RAD21: variants seen among roughly 807,000 people sequenced by gnomAD.
The protein encoded by RAD21 is double-strand-break repair protein rad21 homolog.
Under a neutral mutation model 71.5 loss-of-function variants are expected in RAD21, and 18 were observed. The observed-to-expected ratio is 0.25, with a 90% CI of 0.17 to 0.37. The LOEUF is 0.37. Among genes scored for constraint, RAD21 ranks in the 10% least tolerant of loss-of-function variants. The pLI, the probability that RAD21 is intolerant of heterozygous loss-of-function variation, is 1.00. For synonymous variants in RAD21, 248 were observed against 254.0 expected (o/e 0.98, Z 0.22); for missense variants, 493 against 769.1 (o/e 0.64, Z 4.25).
rs780692465 is a variant in RAD21, at chr8:116,847,639, C to T, written c.1757G>A (p.Arg586Gln). Residue 586 changes from arginine to glutamine, a missense_variant, in exon 14 of 14, where the codon CGA (arginine) becomes CAA (glutamine). Physicochemically the swap from Arg to Gln is conservative, Grantham distance 43. Around this residue, in one of 5 missense-constraint regions of RAD21, gnomAD observed 34 missense variants for 59.9 expected, o/e 0.57. Coordinates refer to ENST00000297338, the MANE Select transcript of RAD21 (RefSeq NM_006265.3). ...AESISLLELC[R>Q]NTNRKQAAAK... is the part of the protein sequence containing the mutation. The stretch of plus-strand genomic sequence containing the variant: ...GGCAGCTTGTTTTCTGTTCGTATTT[C>T]GACATAACTCAAGCAAACTGATAGA... 24 of 1,613,792 alleles carry T rather than the reference C, an allele frequency of 1.5e-5. No homozygotes were observed. Among genetic ancestry groups the T allele is most frequent in the Middle Eastern group, 1.6e-4 (1 of 6,084 alleles).
chr8:116,853,547 T>C (rs1259355896), intron 9 of RAD21, among the ~76,000 whole-genome samples: 1 of 152,218 alleles, frequency 6.6e-6, no homozygotes, highest in East Asian at 1.9e-4. Context: ...AAATTTCTAA[T>C]AATGAAATTA....
chr8:116,861,564 T>C (rs1563692101), intron 4 of RAD21, among the ~76,000 whole-genome samples: 3 of 151,902 alleles, frequency 2.0e-5, no homozygotes, highest in Non-Finnish European at 4.4e-5. Context: ...TATCATTATA[T>C]AACAAGCGTA....
intron 1 of RAD21, among the ~76,000 whole-genome samples, chr8:116,873,350 T>C (rs377373153): frequency 9.8e-5 from 15 of 152,348 alleles, no homozygotes; most frequent in South Asian, 2.1e-4. Context: ...AGATCAGATA[T>C]GGCGTATGTC....
At chr8:116,851,879 C>T in intron 11 of RAD21, 69 bp downstream of exon 11, 1 of 1,493,212 alleles carries the variant, frequency 6.7e-7, no homozygotes, top group Non-Finnish European at 9.1e-7. Flanking sequence ...AAAGGCCTCC[C>T]TAAATACCAC....
intron 6 of RAD21, 125 bp downstream of exon 6, chr8:116,857,142 T>A (rs1426290461): frequency 7.6e-6 from 6 of 789,242 alleles, no homozygotes. Context: ...TTGAACCAAC[T>A]GATCACAATT....
In RAD21 at chr8:116,856,762, AGTT is replaced by A; in HGVS notation, c.695_697del (p.Lys232_Leu233delinsIle). 1 of 1,527,280 alleles carries A rather than the reference AGTT, an allele frequency of 6.5e-7. No individual in the cohort carries two copies. The highest frequency in any genetic ancestry group is 8.8e-7 in the Non-Finnish European group (1 of 1,134,392). 94.6% of individuals were successfully genotyped at this position (1,527,280 alleles called of 1,614,324 possible). On this transcript the variant is annotated inframe_deletion, in exon 7 of 14. Transcript: ENST00000297338. ...GATACCGCCATCATTATTACTAATA[AGTT>A]TGTCATCTGAAATAGGGAATGTAAG...
Position 116,850,676 on chromosome 8 carries a change from A to C in RAD21, c.1562T>G (p.Leu521Arg). 2 of 1,612,676 alleles carry C rather than the reference A, an allele frequency of 1.2e-6. No homozygotes were observed. Among genetic ancestry groups the C allele is most frequent in the Non-Finnish European group, 1.7e-6 (2 of 1,178,866 alleles). ...TTTCTCCTTCTCTTTTTCTGGCAGA[A>C]GTTCTAACTCTGGTATTAGCTGACA... Reference protein sequence around the residue: ...NICQLIPELELLPEKEKEKEK... With the variant: ...NICQLIPELERLPEKEKEKEK... The change falls in exon 12 of 14, where the codon CTT becomes CGT. Residue 521 changes from leucine to arginine, a missense_variant. Physicochemically the swap from Leu to Arg is moderately radical, Grantham distance 102. Around this residue, in one of 5 missense-constraint regions of RAD21, gnomAD observed 225 missense variants for 218.3 expected, o/e 1.03. Coordinates refer to ENST00000297338, the MANE Select transcript of RAD21 (RefSeq NM_006265.3).
chr8:116,854,308 T>C lies in RAD21; in HGVS notation c.1098A>G (p.Thr366=), dbSNP rs1438936500. The C allele has an allele frequency of 6.2e-7, 1 of 1,613,934 alleles. No individual in the cohort carries two copies. The highest frequency in any genetic ancestry group is 1.1e-5 in the South Asian group (1 of 91,070). ...AAGAAAACAGTTTTTCTACTCCTCC[T>C]GTCTCTTTCCACATCATCAATTTCT... ...PTKKLMMWKE[T]GGVEKLFSLP... is the part of the protein sequence containing the mutation. Residue 366 remains threonine, a synonymous_variant, in exon 9 of 14, where the codon ACA becomes ACG. Coordinates refer to ENST00000297338, the MANE Select transcript of RAD21 (RefSeq NM_006265.3).
chr8:116,865,261 T>G (rs1041043406), intron 2 of RAD21, among the ~76,000 whole-genome samples: 13 of 152,156 alleles, frequency 8.5e-5, no homozygotes, highest in African/African-American at 3.1e-4. Flanking sequence ...CATACTCGTT[T>G]GTAGTGTCCC....
Position 116,846,698 on chromosome 8 carries a change from C to CCAAA in RAD21, c.*798_*801dup, listed in dbSNP as rs16918290. ...TCATGATCGGAATACTCAAATATAT[C>CCAAA]CAAACATCTTTTTAAAACTTTGATT... On this transcript the variant is annotated 3_prime_UTR_variant, in exon 14 of 14. Transcript: ENST00000297338. The CCAAA allele has an allele frequency of 0.023, 5,102 of 222,448 alleles. 225 individuals carry two copies. Among genetic ancestry groups the CCAAA allele is most frequent in the African/African-American group, 0.098 (4,399 of 44,706 alleles). 13.8% of individuals were successfully genotyped at this position (222,448 alleles called of 1,614,324 possible).
Position 116,856,190 on chromosome 8 carries a change from C to T in RAD21, c.913G>A (p.Ala305Thr), listed in dbSNP as rs1398359379. The change falls in exon 8 of 14, where the codon GCA becomes ACA. Residue 305 changes from alanine to threonine, a missense_variant. This residue lies in a region of RAD21 where 42 missense variants were observed against 117.2 expected (regional missense o/e 0.36). Coordinates refer to ENST00000297338, the MANE Select transcript of RAD21 (RefSeq NM_006265.3). Reference protein sequence around the residue: ...TLVPNEEEAFALEPIDITVKE... With the variant: ...TLVPNEEEAFTLEPIDITVKE... ...CCAGTTATATCAATAGGCTCCAATG[C>T]AAATGCTTCTTCCTCATTTGGAACA... 2.5e-6 allele frequency: 4 copies of T among 1,606,854 alleles called. No homozygotes were observed. Among genetic ancestry groups the T allele is most frequent in the Non-Finnish European group, 3.4e-6 (4 of 1,177,280 alleles).
At chr8:116,863,545 T>C (rs916918497) in intron 2 of RAD21, among the ~76,000 whole-genome samples, 6 of 152,112 alleles carry the variant, frequency 3.9e-5, no homozygotes, top group Admixed American at 1.3e-4. Context: ...CCAGGGCCAT[T>C]GTTTCTTGCT....
chr8:116,847,425 TTC>T lies in RAD21; in HGVS notation c.*73_*74del, dbSNP rs1280689039. The T allele has an allele frequency of 8.6e-6, 11 of 1,278,062 alleles. No individual in the cohort carries two copies. In the South Asian group the frequency reaches 1.8e-4, roughly 20 times the overall value. The allele number at this position is 1,278,062 out of a possible 1,614,324, so 79.2% of individuals were successfully genotyped here. On this transcript the variant is annotated 3_prime_UTR_variant, in exon 14 of 14. Coordinates refer to ENST00000297338, the MANE Select transcript of RAD21 (RefSeq NM_006265.3). The stretch of plus-strand genomic sequence containing the variant: ...CAAAAATCTAAGTTTTCTCAAAGGG[TTC>T]TGTGTCCCCTACACATGGGGGCAAT...
intron 2 of RAD21, among the ~76,000 whole-genome samples, chr8:116,865,645 A>T (rs1443010182): frequency 6.6e-6 from 1 of 152,186 alleles, no homozygotes; most frequent in Non-Finnish European, 1.5e-5. Flanking sequence ...CTAAATGGCT[A>T]GTCTTTAAAA....
intron 1 of RAD21, 72 bp downstream of exon 1, chr8:116,874,539 G>A (rs912128082): frequency 1.3e-4 from 36 of 275,362 alleles, no homozygotes; most frequent in Middle Eastern, 1.3e-3. Flanking sequence ...CCGGCTCCCC[G>A]ACGGCAGAGC....
intron 6 of RAD21, 91 bp from the exon 7 acceptor site, chr8:116,856,862 G>A (rs1260887728): frequency 5.1e-6 from 5 of 975,446 alleles, no homozygotes; most frequent in Admixed American, 5.9e-5. Context: ...TATGTTAAAA[G>A]GGATAAAATT....
At chr8:116,849,720 T>C (rs985373109) in intron 12 of RAD21, among the ~76,000 whole-genome samples, 1 of 152,214 alleles carries the variant, frequency 6.6e-6, no homozygotes, top group Non-Finnish European at 1.5e-5. Flanking sequence ...ACTATTTTAA[T>C]ACTCATTCAC....
At chr8:116,871,024 T>C (rs1466541285) in intron 1 of RAD21, among the ~76,000 whole-genome samples, 1 of 152,034 alleles carries the variant, frequency 6.6e-6, no homozygotes, top group Admixed American at 6.5e-5. Flanking sequence ...GAAGGCAGAG[T>C]GATGCTAAAA....
At chr8:116,856,516 A>G (rs1812470157) in intron 7 of RAD21, 130 bp downstream of exon 7, 13 of 1,271,262 alleles carry the variant, frequency 1.0e-5, no homozygotes, top group Admixed American at 8.2e-5. Flanking sequence ...ACCAGTAATC[A>G]TAAGCACTGT....
Sources: allele counts gnomAD v4.1 joint callset (sites outside exome capture counted in the v4.1 genomes callset), GRCh38; gene constraint gnomAD v4.1.1; regional missense constraint gnomAD v4.1.1; transcripts MANE v1.5; gene names NCBI Gene and HGNC (gene_info 2026-07-23, HGNC 2026-07-21).